REC114: variants seen among roughly 807,000 people sequenced by gnomAD.
The protein encoded by REC114 is meiotic recombination protein REC114.
In REC114, 27 loss-of-function variants were observed where a neutral mutation model predicts 31.3. The observed-to-expected ratio is 0.86, with a 90% CI of 0.64 to 1.19. The LOEUF (loss-of-function observed/expected upper bound fraction) is 1.19. REC114 is among the 50% of genes most tolerant of loss of function. The pLI is 0.00. For missense variants in REC114, 344 were observed against 326.9 expected, an observed-to-expected ratio of 1.05 and a Z score of -0.40; for synonymous variants, 134 against 127.7, an observed-to-expected ratio of 1.05 and a Z score of -0.33.
intron 2 of REC114, among the ~76,000 whole-genome samples, chr15:73,480,610 T>A (rs1595865935): frequency 7.2e-6 from 1 of 138,550 alleles, no homozygotes. Context: ...ATTTATAACA[T>A]GTGTAATTTT....
In REC114 at chr15:73,518,386, G is replaced by A. The variant is rs377111859; in HGVS notation, c.250-22099G>A. 8.5e-5 allele frequency among the ~76,000 whole-genome samples: 13 copies of A among 152,262 alleles called. No individual in the cohort carries two copies. The South Asian group carries it at 2.3e-3, about 27-fold the overall frequency. ...TGCCTCTCAGCTCCGTTTTCCTCTG[G>A]AAGGATCTCTCTGGTGGTTCCTGGC... On this transcript the variant is annotated intron_variant, in intron 2 of 5. Transcript: ENST00000331090.
chr15:73,542,946 CT>C lies in REC114; in HGVS notation c.333+2394del, dbSNP rs199804904. ...GAGATAGAAGTCCTAGAAGTATACA[CT>C]TTTTTTTTTTTTTTTATATAAATTT... On this transcript the variant is annotated intron_variant, in intron 3 of 5. Coordinates refer to ENST00000331090, the MANE Select transcript of REC114 (RefSeq NM_001042367.2). Among the ~76,000 whole-genome samples, 1,033 of 138,128 alleles carry C rather than the reference CT, an allele frequency of 7.5e-3. 8 individuals are homozygous for C. The highest frequency in any genetic ancestry group is 0.02 in the African/African-American group (751 of 36,820). The allele number at this position is 138,128 out of a possible 152,430, so 90.6% of individuals were successfully genotyped here.
chr15:73,518,225 C>G (rs1893888096), intron 2 of REC114, among the ~76,000 whole-genome samples: 1 of 152,214 alleles, frequency 6.6e-6, no homozygotes, highest in Non-Finnish European at 1.5e-5. Context: ...AGAAACCCAA[C>G]TCAGGTTCTT....
At chr15:73,523,650 G>A (rs1355539308) in intron 2 of REC114, among the ~76,000 whole-genome samples, 1 of 152,128 alleles carries the variant, frequency 6.6e-6, no homozygotes, top group African/African-American at 2.4e-5. Context: ...TCTGTGGCTT[G>A]CTTTTTCATT....
intron 1 of REC114, among the ~76,000 whole-genome samples, chr15:73,471,067 C>T (rs980487105): frequency 6.6e-6 from 1 of 152,032 alleles, no homozygotes; most frequent in Non-Finnish European, 1.5e-5. Flanking sequence ...TATTGCAGGG[C>T]TGTAAGCTGG....
chr15:73,500,744 T>C (rs1595871078), intron 2 of REC114, among the ~76,000 whole-genome samples: 1 of 152,052 alleles, frequency 6.6e-6, no homozygotes, highest in South Asian at 2.1e-4. Flanking sequence ...TTTTTTTTTT[T>C]TTCACTGCTG....
intron 1 of REC114, among the ~76,000 whole-genome samples, chr15:73,454,892 G>A (rs1177523456): frequency 2.0e-5 from 3 of 152,144 alleles, no homozygotes; most frequent in Non-Finnish European, 2.9e-5. Context: ...GGAGTTGATT[G>A]TTATTACAAT....
At chr15:73,475,382 G>C (rs1186522021) in intron 2 of REC114, among the ~76,000 whole-genome samples, 1 of 152,190 alleles carries the variant, frequency 6.6e-6, no homozygotes, top group Non-Finnish European at 1.5e-5. Context: ...TATTAGTCAA[G>C]AGAGGACCAC....
At chr15:73,446,639 C>CA (rs56412813) in intron 1 of REC114, among the ~76,000 whole-genome samples, 3,802 of 119,206 alleles carry the variant, frequency 0.032, 72 homozygotes, top group African/African-American at 0.072. Context: ...GACTCTGTCT[C>CA]AAAAAAAAAA....
At chr15:73,495,771 G>A (rs905415281) in intron 2 of REC114, among the ~76,000 whole-genome samples, 3 of 151,928 alleles carry the variant, frequency 2.0e-5, no homozygotes, top group Non-Finnish European at 2.9e-5. Context: ...GCTTTACTTG[G>A]ATTCCTTTAA....
At chr15:73,548,821 T>A (rs1022308106) in intron 3 of REC114, among the ~76,000 whole-genome samples, 1 of 152,194 alleles carries the variant, frequency 6.6e-6, no homozygotes, top group Admixed American at 6.5e-5. Flanking sequence ...AAAGAAAATA[T>A]GGTACATGCA....
chr15:73,445,181 GTGGGATTAGCCCCTAA>G (rs900367439), intron 1 of REC114, among the ~76,000 whole-genome samples: 1 of 152,224 alleles, frequency 6.6e-6, no homozygotes, highest in Non-Finnish European at 1.5e-5. Flanking sequence ...AGAGTCACCA[GTGGGATTAGCCCCTAA>G]TGCAAGAGTC....
At chr15:73,447,648 A>AAAATAAATAAATAAAT (rs60241454) in intron 1 of REC114, among the ~76,000 whole-genome samples, 24 of 143,308 alleles carry the variant, frequency 1.7e-4, no homozygotes, top group East Asian at 6.2e-4. Context: ...ACTCTGTCTC[A>AAAATAAATAAATAAAT]AAATAAATAA....
intron 2 of REC114, among the ~76,000 whole-genome samples, chr15:73,500,435 T>C (rs1893588969): frequency 6.6e-6 from 1 of 152,106 alleles, no homozygotes; most frequent in South Asian, 2.1e-4. Flanking sequence ...GCATTTATTT[T>C]TACTTTTTCA....
chr15:73,450,774 TAACA>T (rs1248303534), intron 1 of REC114, among the ~76,000 whole-genome samples: 2 of 152,136 alleles, frequency 1.3e-5, no homozygotes, highest in Non-Finnish European at 2.9e-5. Flanking sequence ...ACGGAAATCA[TAACA>T]AACAATCTCT....
At chr15:73,478,263 C>CAAAAAA (rs57210193) in intron 2 of REC114, among the ~76,000 whole-genome samples, 28 of 40,340 alleles carry the variant, frequency 6.9e-4, no homozygotes, top group African/African-American at 1.8e-3. Flanking sequence ...GACTCTGTCT[C>CAAAAAA]AAAAAAAAAA....
chr15:73,455,757 A>C (rs1029823201), intron 1 of REC114, among the ~76,000 whole-genome samples: 2 of 152,206 alleles, frequency 1.3e-5, no homozygotes, highest in Admixed American at 1.3e-4. Flanking sequence ...ACGCATGCAC[A>C]CTGAAAACCC....
chr15:73,540,713 A>C (rs1458456898), intron 3 of REC114, 145 bp downstream of exon 3: 6 of 733,746 alleles, frequency 8.2e-6, no homozygotes, highest in Non-Finnish European at 1.4e-5. Flanking sequence ...AAAAACATGA[A>C]ACAAGGACCG....
intron 1 of REC114, 73 bp from the exon 2 acceptor site, chr15:73,473,759 C>T: frequency 1.2e-6 from 1 of 800,694 alleles, no homozygotes; most frequent in Non-Finnish European, 2.0e-6. Context: ...AACACTTGGT[C>T]ATCAGTATTG....
Sources: allele counts gnomAD v4.1 joint callset (sites outside exome capture counted in the v4.1 genomes callset), GRCh38; gene constraint gnomAD v4.1.1; transcripts MANE v1.5; gene names NCBI Gene and HGNC (gene_info 2026-07-23, HGNC 2026-07-21).